HSPA5: variants seen among roughly 807,000 people sequenced by gnomAD.
HSPA5 encodes endoplasmic reticulum chaperone BiP.
A neutral mutation model predicts 49.5 loss-of-function variants in HSPA5; 16 were observed. The observed-to-expected ratio is 0.32, with a 90% CI of 0.22 to 0.49. The LOEUF (loss-of-function observed/expected upper bound fraction) is 0.49, where lower values mean the gene tolerates loss of function less well. Among genes scored for constraint, HSPA5 ranks in the 20% least tolerant of loss-of-function variants. HSPA5 has a pLI of 0.99. For missense variants in HSPA5, 376 were observed against 819.0 expected (o/e 0.46, Z 6.60); for synonymous variants, 271 against 307.2 (o/e 0.88, Z 1.23).
chr9:125,239,654 G>C lies in HSPA5; in HGVS notation c.493-121C>G. On this transcript the variant is annotated intron_variant, in intron 3 of 7. Transcript: ENST00000324460. This position sits in a 1 kb window ranked among gnomAD's most constrained non-coding sequence, Gnocchi z 5.5. ...AGCACTTTGGGAGGCTGAGGCAGGA[G>C]GATCACCTGAGGGCAGGATTTCAAG... 1.4e-6 allele frequency: 1 copy of C among 732,440 alleles called. No individual in the cohort carries two copies. The allele number at this position is 732,440 out of a possible 1,614,324, so 45.4% of individuals were successfully genotyped here.
Position 125,241,321 on chromosome 9 carries a change from T to C in HSPA5, c.-195A>G, listed in dbSNP as rs891639797. The C allele has an allele frequency of 3.2e-6, 2 of 625,666 alleles. No individual in the cohort carries two copies. The highest frequency in any genetic ancestry group is 2.0e-5 in the South Asian group (1 of 49,404). The allele number at this position is 625,666 out of a possible 1,614,324, so 38.8% of individuals were successfully genotyped here. ...CGAAACACCCCAATAGGTCAATCTGTCTGTGCTGTCTTGGCCGGCGTCGAC... is the reference window on the plus strand; with the variant it reads ...CGAAACACCCCAATAGGTCAATCTGCCTGTGCTGTCTTGGCCGGCGTCGAC... On this transcript the variant is annotated 5_prime_UTR_variant, in exon 1 of 8. Transcript: ENST00000324460.
In HSPA5 at chr9:125,240,004, G is replaced by C. The variant is rs35855725; in HGVS notation, c.492+168C>G. 6.6e-3 allele frequency among the ~76,000 whole-genome samples: 1,003 copies of C among 152,148 alleles called. 8 individuals are homozygous for C. Among genetic ancestry groups the C allele is most frequent in the African/African-American group, 0.023 (934 of 41,496 alleles). ...GTAAGCATTAAATAATACATGAAAAGTCTATTTTGTTTGGCTTATAGTAAG... is the reference window on the plus strand; with the variant it reads ...GTAAGCATTAAATAATACATGAAAACTCTATTTTGTTTGGCTTATAGTAAG... On this transcript the variant is annotated intron_variant, in intron 3 of 7. Coordinates refer to ENST00000324460, the MANE Select transcript of HSPA5 (RefSeq NM_005347.5). The surrounding 1 kb of genome is among the most constrained non-coding windows in gnomAD (Gnocchi z 4.4).
rs1408003024 is a variant in HSPA5 at position 125,238,126 on chromosome 9, A to G, written c.1402+15T>C. The G allele has an allele frequency of 6.2e-7, 1 of 1,606,716 alleles. No individual in the cohort carries two copies. Among genetic ancestry groups the G allele is most frequent in the Non-Finnish European group, 8.5e-7 (1 of 1,174,982 alleles). On this transcript the variant is annotated intron_variant, in intron 7 of 7. Transcript: ENST00000324460. ...CAAAAAAAAAGCCATGATATTAACA[A>G]ACTTAAGTAATTACCTTCATAGACC...
At chr9:125,237,708 T>C (rs1025212780) in intron 7 of HSPA5, among the ~76,000 whole-genome samples, 2 of 150,610 alleles carry the variant, frequency 1.3e-5, no homozygotes, top group Non-Finnish European at 3.0e-5. Flanking sequence ...ATATCTAATA[T>C]CAACATTATT....
rs898525706 is a variant in HSPA5 at position 125,239,757 on chromosome 9, G to T, written c.493-224C>A. 6.6e-6 allele frequency among the ~76,000 whole-genome samples: 1 copy of T among 151,428 alleles called. No individual in the cohort carries two copies. ...AAAAAAAAATTAGCCAGGTGTGGTGGTGTGCCTGTAGTTCCAGTTACTTGG... is the reference window on the plus strand; with the variant it reads ...AAAAAAAAATTAGCCAGGTGTGGTGTTGTGCCTGTAGTTCCAGTTACTTGG... On this transcript the variant is annotated intron_variant, in intron 3 of 7. Transcript: ENST00000324460. The surrounding 1 kb of genome is among the most constrained non-coding windows in gnomAD (Gnocchi z 5.5).
At chr9:125,237,459 T>TA (rs907998060) in intron 7 of HSPA5, among the ~76,000 whole-genome samples, 10 of 152,090 alleles carry the variant, frequency 6.6e-5, no homozygotes, top group African/African-American at 2.4e-4. Context: ...ACACCTGTAA[T>TA]AATCCCAGTA....
At chr9:125,238,386 T>C in intron 6 of HSPA5, 78 bp from the exon 7 acceptor site, 1 of 1,334,930 alleles carries the variant, frequency 7.5e-7, no homozygotes, top group Non-Finnish European at 1.1e-6. Context: ...TAACATTTGG[T>C]TAGGTTCTAA....
chr9:125,240,043 A>T lies in HSPA5; in HGVS notation c.492+129T>A. On this transcript the variant is annotated intron_variant, in intron 3 of 7. Transcript: ENST00000324460. This position sits in a 1 kb window ranked among gnomAD's most constrained non-coding sequence, Gnocchi z 4.4. ...GCTTATAGTAAGGGACTCAATAATTAAACCTGACAAGCATGAATACCATTC... is the reference window on the plus strand; with the variant it reads ...GCTTATAGTAAGGGACTCAATAATTTAACCTGACAAGCATGAATACCATTC... The T allele has an allele frequency of 1.6e-6, 1 of 614,038 alleles. No homozygotes were observed. Among genetic ancestry groups the T allele is most frequent in the Non-Finnish European group, 2.8e-6 (1 of 359,218 alleles). 38.0% of individuals were successfully genotyped at this position (614,038 alleles called of 1,614,324 possible).
In HSPA5 at chr9:125,236,406, C is replaced by G. The variant is rs375214521; in HGVS notation, c.*186G>C. On this transcript the variant is annotated 3_prime_UTR_variant, in exon 8 of 8. Coordinates refer to ENST00000324460, the MANE Select transcript of HSPA5 (RefSeq NM_005347.5). The stretch of plus-strand genomic sequence containing the variant: ...AGATGGCCAATTCTTCTTCTCCCCC[C>G]CACCCAAAGACATGTGAGCAACTGC... 8.8e-4 allele frequency: 431 copies of G among 491,114 alleles called. 2 individuals carry two copies. The highest frequency in any genetic ancestry group is 1.3e-3 in the Non-Finnish European group (377 of 281,498). The allele number at this position is 491,114 out of a possible 1,614,324, so 30.4% of individuals were successfully genotyped here.
Position 125,238,128 on chromosome 9 carries a change from C to T in HSPA5, c.1402+13G>A, listed in dbSNP as rs778271031. 9.3e-6 allele frequency: 15 copies of T among 1,607,028 alleles called. No homozygotes were observed. Among genetic ancestry groups the T allele is most frequent in the Non-Finnish European group, 1.3e-5 (15 of 1,175,438 alleles). ...AAAAAAAAGCCATGATATTAACAAA[C>T]TTAAGTAATTACCTTCATAGACCTT... On this transcript the variant is annotated intron_variant, in intron 7 of 7. Coordinates refer to ENST00000324460, the MANE Select transcript of HSPA5 (RefSeq NM_005347.5).
rs773987528 is a variant in HSPA5, at chr9:125,237,104, T to C, written c.1453A>G (p.Thr485Ala). 1 of 1,613,384 alleles carries C rather than the reference T, an allele frequency of 6.2e-7. No individual in the cohort carries two copies. Residue 485 changes from threonine to alanine, a missense_variant, in exon 8 of 8, where the codon ACT (threonine) becomes GCT (alanine). Thr to Ala is a moderately conservative substitution (Grantham distance 58). Around this residue, in one of 8 missense-constraint regions of HSPA5, gnomAD observed 71 missense variants for 169.9 expected, o/e 0.42. Coordinates refer to ENST00000324460, the MANE Select transcript of HSPA5 (RefSeq NM_005347.5). ...DNHLLGTFDL[T>A]GIPPAPRGVP... ...CCACGAGGAGCAGGAGGAATTCCAG[T>C]CAGATCAAATGTACCCAGAAGATGA...
Position 125,239,175 on chromosome 9 carries a change from A to G in HSPA5, c.762T>C (p.Gly254=), listed in dbSNP as rs747075001. ...VVATNGDTHL[G]GEDFDQRVME... ...TGACACGCTGGTCAAAGTCTTCTCC[A>G]CCCAGATGAGTATCTCCATTAGTGG... The change falls in exon 5 of 8, where the codon GGT becomes GGC. Residue 254 remains glycine (G), a synonymous_variant. Coordinates refer to ENST00000324460, the MANE Select transcript of HSPA5 (RefSeq NM_005347.5). The surrounding 1 kb of genome is among the most constrained non-coding windows in gnomAD (Gnocchi z 5.5). The G allele has an allele frequency of 9.9e-6, 16 of 1,614,004 alleles. No individual in the cohort carries two copies. Among genetic ancestry groups the G allele is most frequent in the Non-Finnish European group, 1.2e-5 (14 of 1,180,002 alleles).
In HSPA5 at chr9:125,236,645, C is replaced by A. The variant is rs756169862; in HGVS notation, c.1912G>T (p.Ala638Ser). The A allele has an allele frequency of 6.2e-7, 1 of 1,612,258 alleles. No homozygotes were observed. Among genetic ancestry groups the A allele is most frequent in the African/African-American group, 1.3e-5 (1 of 74,820 alleles). The change falls in exon 8 of 8, where the codon GCA becomes TCA. Residue 638 changes from alanine to serine, a missense_variant. Coordinates refer to ENST00000324460, the MANE Select transcript of HSPA5 (RefSeq NM_005347.5). The part of the protein sequence containing the change: ...QPIISKLYGS[A>S]GPPPTGEEDT... The stretch of plus-strand genomic sequence containing the variant: ...TCTTCACCAGTTGGGGGAGGGCCTG[C>A]ACTTCCATAGAGTTTGCTGATAATT...
Position 125,238,186 on chromosome 9 carries a change from T to A in HSPA5, c.1357A>T (p.Thr453Ser). The change falls in exon 7 of 8, where the codon ACA becomes TCA. Residue 453 changes from threonine to serine, a missense_variant. Transcript: ENST00000324460. ...ACAGTTGGTTGATTATCAGAAGCTG[T>A]AGAAAAGATCTGAGACTTCTTGGTA... ...VPTKKSQIFS[T>S]ASDNQPTVTI... 2.5e-6 allele frequency: 4 copies of A among 1,614,066 alleles called. No individual in the cohort carries two copies. The highest frequency in any genetic ancestry group is 3.4e-6 in the Non-Finnish European group (4 of 1,179,936).
At chr9:125,238,333 T>C (rs777506488) in intron 6 of HSPA5, 25 bp from the exon 7 acceptor site, 1 of 1,592,496 alleles carries the variant, frequency 6.3e-7, no homozygotes, top group Non-Finnish European at 8.6e-7. Flanking sequence ...TATTTAACTT[T>C]TAATTCAAGT....
Position 125,234,865 on chromosome 9 carries a change from T to C in HSPA5, c.*1727A>G, listed in dbSNP as rs1387265210. The C allele has an allele frequency of 1.3e-5, 2 of 152,104 alleles. No homozygotes were observed. The highest frequency in any genetic ancestry group is 2.4e-5 in the African/African-American group (1 of 41,428). 9.4% of individuals were successfully genotyped at this position (152,104 alleles called of 1,614,324 possible). A position where few individuals can be genotyped will look rare whatever the true frequency, so the allele number is the denominator to read the frequency against. ...ATCAGACACATAGTTGAAGTCTATC[T>C]TTTTAATATTCAGTAACAGCTCCTC... On this transcript the variant is annotated 3_prime_UTR_variant, in exon 8 of 8. Transcript: ENST00000324460.
rs1016994579 is a variant in HSPA5 at position 125,238,922 on chromosome 9, C to G, written c.996+19G>C. The G allele has an allele frequency of 7.5e-6, 12 of 1,601,730 alleles. No individual in the cohort carries two copies. The Admixed American group carries it at 1.4e-4, about 18-fold the overall frequency. ...GTCTAAGGAGATCTCATTAGCAAAG[C>G]AGAAAACAAGGAACATACCATGTTG... On this transcript the variant is annotated intron_variant, in intron 5 of 7. Coordinates refer to ENST00000324460, the MANE Select transcript of HSPA5 (RefSeq NM_005347.5).
intron 7 of HSPA5, 40 bp from the exon 8 acceptor site, chr9:125,237,194 A>T (rs1564206784): frequency 7.0e-7 from 1 of 1,438,066 alleles, no homozygotes; most frequent in East Asian, 2.3e-5. Flanking sequence ...GTTGTTACTG[A>T]CAAGCATTAG....
At position 125,240,592 on chromosome 9, in the gene HSPA5, TCAACA is replaced by T; in HGVS notation, c.354+79_354+83del. On this transcript the variant is annotated intron_variant, in intron 2 of 7. Transcript: ENST00000324460. This position sits in a 1 kb window ranked among gnomAD's most constrained non-coding sequence, Gnocchi z 4.4. ...ATGTCTATAACCTTCAACTGTTGTC[TCAACA>T]CTTTTCCAGAGACTTATAACTCTAA... 1 of 1,144,086 alleles carries T rather than the reference TCAACA, an allele frequency of 8.7e-7. No individual in the cohort carries two copies. The highest frequency in any genetic ancestry group is 1.3e-6 in the Non-Finnish European group (1 of 774,114). The allele number at this position is 1,144,086 out of a possible 1,614,324, so 70.9% of individuals were successfully genotyped here.
Sources: allele counts gnomAD v4.1 joint callset (sites outside exome capture counted in the v4.1 genomes callset), GRCh38; gene constraint gnomAD v4.1.1; regional missense constraint gnomAD v4.1.1; non-coding constraint Gnocchi (gnomAD v3.1); transcripts MANE v1.5; gene names NCBI Gene and HGNC (gene_info 2026-07-23, HGNC 2026-07-21).